The following KDM4B variants were observed in gnomAD, a reference collection of about 807,000 sequenced individuals.
KDM4B encodes the protein lysine demethylase 4B.
Under a neutral mutation model 125.2 loss-of-function variants are expected in KDM4B, and 32 were observed. The observed-to-expected ratio is 0.26, with a 90% CI of 0.19 to 0.34. The LOEUF (loss-of-function observed/expected upper bound fraction) is 0.34. Among genes scored for constraint, KDM4B ranks in the 10% least tolerant of loss-of-function variants. KDM4B has a pLI of 1.00. For synonymous variants in KDM4B, 721 were observed against 677.9 expected (o/e 1.06, Z -0.99); for missense variants, 1,190 against 1,577.7 (o/e 0.75, Z 4.16).
chr19:5,151,851 G>A lies in KDM4B; in HGVS notation c.*340G>A. ...TCACTTCTGTACATAAACCACCTTT[G>A]TGAGGCTCTTTCTATAAATACATAT... On this transcript the variant is annotated 3_prime_UTR_variant, in exon 23 of 23. Coordinates refer to ENST00000159111, the MANE Select transcript of KDM4B (RefSeq NM_015015.3). 1 of 267,710 alleles carries A rather than the reference G, an allele frequency of 3.7e-6. No individual in the cohort carries two copies. The highest frequency in any genetic ancestry group is 7.0e-6 in the Non-Finnish European group (1 of 142,958). The allele number at this position is 267,710 out of a possible 1,614,324, so 16.6% of individuals were successfully genotyped here. A position where few individuals can be genotyped will look rare whatever the true frequency, so the allele number is the denominator to read the frequency against.
At position 5,131,289 on chromosome 19, in the gene KDM4B, C is replaced by G; in HGVS notation, c.1529C>G (p.Pro510Arg). 6.2e-7 allele frequency: 1 copy of G among 1,612,160 alleles called. No individual in the cohort carries two copies. The highest frequency in any genetic ancestry group is 8.5e-7 in the Non-Finnish European group (1 of 1,179,782). The change falls in exon 12 of 23, where the codon CCC becomes CGC. Residue 510 changes from proline (P) to arginine (R), a missense_variant. This residue lies in a region of KDM4B where 428 missense variants were observed against 405.1 expected (regional missense o/e 1.06). Coordinates refer to ENST00000159111, the MANE Select transcript of KDM4B (RefSeq NM_015015.3). ...SPLPAPLNVV[P>R]PEVPSEELEA... is the part of the protein sequence containing the mutation. Reference sequence around the variant, plus strand: ...CTGCCGGCACCCCTTAATGTCGTGCCCCCTGAGGTGCCCAGTGAGGAGCTA... The same window carrying G: ...CTGCCGGCACCCCTTAATGTCGTGCGCCCTGAGGTGCCCAGTGAGGAGCTA...
chr19:4,974,819 C>T (rs1221931664), intron 1 of KDM4B, among the ~76,000 whole-genome samples: 2 of 151,986 alleles, frequency 1.3e-5, no homozygotes. Context: ...TGCTCAGAAC[C>T]TTCCGGTGAC....
intron 1 of KDM4B, among the ~76,000 whole-genome samples, chr19:4,980,421 C>CTTTTTTTTTTT: frequency 9.1e-6 from 1 of 109,726 alleles, no homozygotes; most frequent in Non-Finnish European, 1.8e-5. Flanking sequence ...CCTTTTCTTT[C>CTTTTTTTTTTT]TTTTTTTTTT....
In KDM4B at chr19:5,114,912, C is replaced by T. The variant is rs903644781; in HGVS notation, c.1115+4094C>T. Among the ~76,000 whole-genome samples the T allele has an allele frequency of 2.0e-5, 3 of 152,236 alleles. No homozygotes were observed. The highest frequency in any genetic ancestry group is 2.1e-4 in the South Asian group (1 of 4,832). ...TAGTGCAGTTATCTGGACTATGTCCCGACATTTGGCTCATAGGAATGAGCC... is the reference window on the plus strand; with the variant it reads ...TAGTGCAGTTATCTGGACTATGTCCTGACATTTGGCTCATAGGAATGAGCC... On this transcript the variant is annotated intron_variant, in intron 10 of 22. Transcript: ENST00000159111. This position sits in a 1 kb window ranked among gnomAD's most constrained non-coding sequence, Gnocchi z 5.8.
At chr19:4,979,282 CAAAA>C (rs1259480973) in intron 1 of KDM4B, among the ~76,000 whole-genome samples, 1 of 152,082 alleles carries the variant, frequency 6.6e-6, no homozygotes, top group Non-Finnish European at 1.5e-5. Flanking sequence ...GACCATGTCT[CAAAA>C]AAACCCCAAA....
At chr19:5,055,074 A>C (rs2037353592) in intron 6 of KDM4B, among the ~76,000 whole-genome samples, 1 of 152,240 alleles carries the variant, frequency 6.6e-6, no homozygotes, top group Admixed American at 6.5e-5. Context: ...CCAGAATCAC[A>C]GCTTCTCCGG....
At chr19:5,106,882 G>A (rs2145972594) in intron 9 of KDM4B, among the ~76,000 whole-genome samples, 1 of 152,332 alleles carries the variant, frequency 6.6e-6, no homozygotes, top group South Asian at 2.1e-4. Flanking sequence ...GAGAACGGTG[G>A]GGGCAGAGAG....
At chr19:4,992,186 G>A (rs1312253677) in intron 1 of KDM4B, among the ~76,000 whole-genome samples, 1 of 152,086 alleles carries the variant, frequency 6.6e-6, no homozygotes, top group South Asian at 2.1e-4. Context: ...ATAACAAAAT[G>A]TCACGAAGAC....
intron 11 of KDM4B, among the ~76,000 whole-genome samples, chr19:5,127,204 G>A (rs987174190): frequency 6.6e-6 from 1 of 152,198 alleles, no homozygotes; most frequent in African/African-American, 2.4e-5. Flanking sequence ...CTGTCCTGAA[G>A]CCCCTCACCC....
chr19:5,126,459 A>G (rs1001849940), intron 11 of KDM4B, among the ~76,000 whole-genome samples: 2 of 152,166 alleles, frequency 1.3e-5, no homozygotes, highest in Non-Finnish European at 2.9e-5. Context: ...ACACAGGGTC[A>G]GGGGGCAGAG....
At chr19:5,123,622 G>C (rs935319188) in intron 11 of KDM4B, among the ~76,000 whole-genome samples, 1 of 152,254 alleles carries the variant, frequency 6.6e-6, no homozygotes, top group African/African-American at 2.4e-5. Context: ...CAGGGCAGGA[G>C]CAGGCACAGG....
Position 5,142,734 on chromosome 19 carries a change from T to C in KDM4B, c.2551-1233T>C, listed in dbSNP as rs1256694620. Among the ~76,000 whole-genome samples, 2 of 151,972 alleles carry C rather than the reference T, an allele frequency of 1.3e-5. No individual in the cohort carries two copies. Among genetic ancestry groups the C allele is most frequent in the Non-Finnish European group, 2.9e-5 (2 of 68,004 alleles). On this transcript the variant is annotated intron_variant, in intron 18 of 22. Coordinates refer to ENST00000159111, the MANE Select transcript of KDM4B (RefSeq NM_015015.3). The surrounding 1 kb of genome is among the most constrained non-coding windows in gnomAD (Gnocchi z 5.4). ...GGAGGGGGAGGCCGTGCTGGAGTGA[T>C]GCCTGGCGCGTGTTGTGTGATGGGA...
At chr19:5,044,050 TG>T (rs1333794415) in intron 5 of KDM4B, among the ~76,000 whole-genome samples, 6 of 45,460 alleles carry the variant, frequency 1.3e-4, no homozygotes, top group Admixed American at 2.4e-4. Context: ...TTTATCGGAG[TG>T]GGGGTGTCCA....
At chr19:5,068,175 G>A (rs548915551) in intron 6 of KDM4B, among the ~76,000 whole-genome samples, 33 of 152,128 alleles carry the variant, frequency 2.2e-4, no homozygotes, top group African/African-American at 6.0e-4. Flanking sequence ...TATGAGGAGG[G>A]GGCCGTGCAT....
chr19:4,986,568 T>C (rs2034839454), intron 1 of KDM4B, among the ~76,000 whole-genome samples: 1 of 152,156 alleles, frequency 6.6e-6, no homozygotes, highest in South Asian at 2.1e-4. Context: ...TCTCCATGTT[T>C]ACTGTGCCAG....
In KDM4B at chr19:5,060,463, AG is replaced by A. The variant is rs373975085; in HGVS notation, c.627-10544del. Among the ~76,000 whole-genome samples the A allele has an allele frequency of 7.0e-3, 404 of 57,616 alleles. 83 individuals are homozygous for A. The highest frequency in any genetic ancestry group is 0.012 in the South Asian group (23 of 1,972). 37.8% of individuals were successfully genotyped at this position (57,616 alleles called of 152,430 possible). A position where few individuals can be genotyped will look rare whatever the true frequency, so the allele number is the denominator to read the frequency against. ...AAAAAAAAAAAAAAAAAAAAAAAAAAGGGAGCCATGATTGTTCTCCAGCTGC... is the reference window on the plus strand; with the variant it reads ...AAAAAAAAAAAAAAAAAAAAAAAAAAGGAGCCATGATTGTTCTCCAGCTGC... On this transcript the variant is annotated intron_variant, in intron 6 of 22. Transcript: ENST00000159111.
rs1395918076 is a variant in KDM4B at position 5,039,982 on chromosome 19, C to T, written c.288C>T (p.Gly96=). The T allele has an allele frequency of 6.2e-7, 1 of 1,611,802 alleles. No individual in the cohort carries two copies. The highest frequency in any genetic ancestry group is 8.5e-7 in the Non-Finnish European group (1 of 1,179,144). The change falls in exon 4 of 23, where the codon GGC becomes GGT. Residue 96 remains glycine (G), a synonymous_variant. Transcript: ENST00000159111. ...YNIQKKAMTV[G]EYRRLANSEK... is the part of the protein sequence containing the mutation. ...TCCAGAAGAAGGCCATGACAGTGGG[C>T]GAGTACCGCCGCCTGGCCAACAGCG...
intron 6 of KDM4B, among the ~76,000 whole-genome samples, chr19:5,057,019 GAT>G (rs947509172): frequency 2.1e-5 from 3 of 146,310 alleles, no homozygotes; most frequent in Non-Finnish European, 4.5e-5. Context: ...GTAAGTACCA[GAT>G]ATATATGCGT....
At chr19:5,084,438 TTA>T (rs961526712) in intron 9 of KDM4B, among the ~76,000 whole-genome samples, 142 of 140,256 alleles carry the variant, frequency 1.0e-3, no homozygotes, top group East Asian at 9.6e-3. Context: ...TAAATATAAA[TTA>T]TATATGTTAT....
Sources: allele counts gnomAD v4.1 joint callset (sites outside exome capture counted in the v4.1 genomes callset), GRCh38; gene constraint gnomAD v4.1.1; regional missense constraint gnomAD v4.1.1; non-coding constraint Gnocchi (gnomAD v3.1); transcripts MANE v1.5; gene names NCBI Gene and HGNC (gene_info 2026-07-23, HGNC 2026-07-21).